Variants in SYNPO observed in about 807,000 individuals in gnomAD.
The protein encoded by SYNPO is synaptopodin.
A neutral mutation model predicts 49.5 loss-of-function variants in SYNPO; 19 were observed. That is an observed-to-expected ratio of 0.38 (90% CI 0.27 to 0.56). The LOEUF is 0.56. SYNPO is among the 20% of genes least tolerant of loss of function. SYNPO has a pLI of 0.68. For synonymous variants in SYNPO, 536 were observed against 548.0 expected, an observed-to-expected ratio of 0.98 and a Z score of 0.31; for missense variants, 1,131 against 1,248.3, an observed-to-expected ratio of 0.91 and a Z score of 1.42.
At chr5:150,613,817 T>C (rs928483105) in intron 1 of SYNPO, among the ~76,000 whole-genome samples, 2 of 151,732 alleles carry the variant, frequency 1.3e-5, no homozygotes, top group African/African-American at 4.8e-5. Context: ...AATGGAAGAG[T>C]CGAAACAAGG....
Position 150,656,923 on chromosome 5 carries a change from C to A in SYNPO, c.2548C>A (p.Leu850Ile), listed in dbSNP as rs1758591249. ...GCTGCCCGCGCCTCCCAGGCCCTTC[C>A]TCTACCGCCGCTCGCCCACGGACTC... Reference protein sequence around the residue: ...SPLPAPPRPFLYRRSPTDSDV... With the variant: ...SPLPAPPRPFIYRRSPTDSDV... The change falls in exon 3 of 3, where the codon CTC becomes ATC. Residue 850 changes from leucine to isoleucine, a missense_variant. This residue lies in a region of SYNPO where 509 missense variants were observed against 484.5 expected (regional missense o/e 1.05). Coordinates refer to ENST00000307662, the MANE Select transcript of SYNPO (RefSeq NM_007286.6). 15 of 1,580,238 alleles carry A rather than the reference C, an allele frequency of 9.5e-6. No individual in the cohort carries two copies. The highest frequency in any genetic ancestry group is 1.7e-4 in the Middle Eastern group (1 of 5,938).
upstream of SYNPO, among the ~76,000 whole-genome samples, chr5:150,596,474 G>GCGAGTTGA (rs1756426390): frequency 6.6e-6 from 1 of 152,128 alleles, no homozygotes; most frequent in Non-Finnish European, 1.5e-5. Context: ...TAGGTACTTG[G>GCGAGTTGA]CGAGTTGACG....
At chr5:150,586,039 G>C in the SYNPO span, among the ~76,000 whole-genome samples, 1 of 152,268 alleles carries the variant, frequency 6.6e-6, no homozygotes, top group South Asian at 2.1e-4. Flanking sequence ...ACAAGTACCA[G>C]GCTCTGAAGG....
chr5:150,638,675 G>A (rs1049642141), upstream of SYNPO, among the ~76,000 whole-genome samples: 2 of 152,214 alleles, frequency 1.3e-5, no homozygotes, highest in Non-Finnish European at 2.9e-5. Context: ...CGGGCCCAGA[G>A]TGTGTCAGGC....
chr5:150,657,646 G>A lies in SYNPO; in HGVS notation c.*559G>A, dbSNP rs1758627063. On this transcript the variant is annotated 3_prime_UTR_variant, in exon 3 of 3. Coordinates refer to ENST00000307662, the MANE Select transcript of SYNPO (RefSeq NM_007286.6). ...GTGTCGCATGTCCAGGCACTGGCCT[G>A]ACCATCCGGCTCCCTGGCACCAAGT... 1 of 152,674 alleles carries A rather than the reference G, an allele frequency of 6.5e-6. No homozygotes were observed. The highest frequency in any genetic ancestry group is 1.5e-5 in the Non-Finnish European group (1 of 68,322). 9.5% of individuals were successfully genotyped at this position (152,674 alleles called of 1,614,324 possible). A position where few individuals can be genotyped will look rare whatever the true frequency, so the allele number is the denominator to read the frequency against.
At chr5:150,612,371 T>C (rs1446165264) in intron 1 of SYNPO, among the ~76,000 whole-genome samples, 1 of 152,244 alleles carries the variant, frequency 6.6e-6, no homozygotes, top group East Asian at 1.9e-4. Flanking sequence ...ATTACGCATC[T>C]ACAATATGCC....
In SYNPO at chr5:150,634,863, C is replaced by CA. The variant is rs919820578; in HGVS notation, c.401-13081_401-13080insA. Among the ~76,000 whole-genome samples the CA allele has an allele frequency of 8.4e-3, 383 of 45,842 alleles. 3 individuals are homozygous for CA. Among genetic ancestry groups the CA allele is most frequent in the African/African-American group, 0.044 (306 of 7,030 alleles). 30.1% of individuals were successfully genotyped at this position (45,842 alleles called of 152,430 possible). ...ACACACACACACACACACACACACA[C>CA]CACACACACACACACAAAGGGGACA... On this transcript the variant is annotated intron_variant, in intron 2 of 2. Transcript: ENST00000394243.
At position 150,646,175 on chromosome 5, in the gene SYNPO, CAA is replaced by C. The variant is rs34260941; in HGVS notation, c.-332-1755_-332-1754del. On this transcript the variant is annotated intron_variant, in intron 1 of 2. Transcript: ENST00000307662. The stretch of plus-strand genomic sequence containing the variant: ...GGAGACCCCTTCTCTACAAAAAATA[CAA>C]AAAAAAAAAAAAATTGGCTAAGTGT... Among the ~76,000 whole-genome samples, 390 of 131,644 alleles carry C rather than the reference CAA, an allele frequency of 3.0e-3. 2 individuals carry two copies. The highest frequency in any genetic ancestry group is 7.5e-3 in the African/African-American group (281 of 37,568). 86.4% of individuals were successfully genotyped at this position (131,644 alleles called of 152,430 possible).
intron 1 of SYNPO, among the ~76,000 whole-genome samples, chr5:150,602,603 G>T (rs1046799016): frequency 3.3e-5 from 5 of 152,090 alleles, no homozygotes; most frequent in African/African-American, 9.7e-5. Flanking sequence ...CATTTTATTT[G>T]TTTATTTATT....
chr5:150,589,519 G>A, the SYNPO span, among the ~76,000 whole-genome samples: 1,962 of 152,278 alleles, frequency 0.013, 21 homozygotes, highest in Non-Finnish European at 0.018. Context: ...ACAACCCTGC[G>A]ATGAACATAT....
intron 2 of SYNPO, among the ~76,000 whole-genome samples, chr5:150,629,385 G>A (rs148266323): frequency 1.5e-3 from 228 of 152,272 alleles, no homozygotes; most frequent in Non-Finnish European, 2.0e-3. Flanking sequence ...TCGAACCTCC[G>A]CTCTTAGCTG....
chr5:150,620,873 C>G lies in SYNPO; in HGVS notation c.400+2106C>G, dbSNP rs1757130172. On this transcript the variant is annotated intron_variant, in intron 2 of 2. Transcript: ENST00000394243. ...TTGCCTGGAACAGTATGGTTCATTC[C>G]TTTCTTTTTCTTTTTTTCTTTTTTT... is the stretch of plus-strand genomic sequence containing the variant. Among the ~76,000 whole-genome samples, 8 of 149,682 alleles carry G rather than the reference C, an allele frequency of 5.3e-5. 1 individual carries two copies. The highest frequency in any genetic ancestry group is 5.3e-4 in the Admixed American group (8 of 15,112).
chr5:150,647,373 C>G (rs1196786192), intron 1 of SYNPO, among the ~76,000 whole-genome samples: 1 of 151,736 alleles, frequency 6.6e-6, no homozygotes, highest in Admixed American at 6.6e-5. Context: ...GAAAACAAAA[C>G]AGATGGGATA....
chr5:150,601,399 G>T (rs1300662581), intron 1 of SYNPO, among the ~76,000 whole-genome samples: 1 of 152,148 alleles, frequency 6.6e-6, no homozygotes, highest in African/African-American at 2.4e-5. Context: ...AGGCAGCGGG[G>T]CAGAGACGCC....
At chr5:150,656,354 G>C (rs1758549015) in intron 2 of SYNPO, 50 bp from the exon 3 acceptor site, 1 of 1,418,084 alleles carries the variant, frequency 7.1e-7, no homozygotes, top group Admixed American at 2.2e-5. Context: ...AGCCCGGTGT[G>C]GAAGACCTCA....
At chr5:150,651,064 A>C in intron 2 of SYNPO, 30 of 1,159,984 alleles carry the variant, frequency 2.6e-5, no homozygotes, top group Non-Finnish European at 2.9e-5. Flanking sequence ...CCCCAGTTCT[A>C]CCTGGCTTGC....
chr5:150,605,607 C>T (rs1171070794), intron 1 of SYNPO, among the ~76,000 whole-genome samples: 2 of 152,098 alleles, frequency 1.3e-5, no homozygotes, highest in Middle Eastern at 3.4e-3. Flanking sequence ...TTAAAGGGGA[C>T]CGGAAAGGAG....
At chr5:150,618,352 GA>G (rs1319518891) in exon 2 of SYNPO, 9 of 1,543,704 alleles carry the variant, frequency 5.8e-6, no homozygotes, top group African/African-American at 2.7e-5. Flanking sequence ...CTGCATCGCT[GA>G]GGAAGAACAG....
At chr5:150,604,208 C>T (rs147306885) in intron 1 of SYNPO, among the ~76,000 whole-genome samples, 7 of 152,332 alleles carry the variant, frequency 4.6e-5, no homozygotes, top group South Asian at 2.1e-4. Context: ...GGCATGGGCA[C>T]GGTTATAGAG....
Sources: allele counts gnomAD v4.1 joint callset (sites outside exome capture counted in the v4.1 genomes callset), GRCh38; gene constraint gnomAD v4.1.1; regional missense constraint gnomAD v4.1.1; transcripts MANE v1.5; gene names NCBI Gene and HGNC (gene_info 2026-07-23, HGNC 2026-07-21).